UGT1A7: variants seen among roughly 807,000 people sequenced by gnomAD.
UGT1A7 encodes UDP glucuronosyltransferase family 1 member A7.
A neutral mutation model predicts 45.6 loss-of-function variants in UGT1A7; 33 were observed. The ratio of observed to expected loss-of-function variants is 0.72; its 90% CI spans 0.55 to 0.97. UGT1A7 has a LOEUF of 0.97. Among genes scored for constraint, UGT1A7 ranks in the 50% least tolerant of loss-of-function variants. UGT1A7 has a pLI of 0.00. For missense variants in UGT1A7, 684 were observed against 666.2 expected, an observed-to-expected ratio of 1.03 and a Z score of -0.29; for synonymous variants, 274 against 250.6, an observed-to-expected ratio of 1.09 and a Z score of -0.88.
chr2:233,762,086 T>A (rs1422736816), intron 1 of UGT1A7, among the ~76,000 whole-genome samples: 1 of 152,194 alleles, frequency 6.6e-6, no homozygotes, highest in African/African-American at 2.4e-5. Context: ...CCATTTCACT[T>A]AGATAGTTGT....
chr2:233,770,096 C>T (rs1250263322), intron 4 of UGT1A7: 2 of 152,608 alleles, frequency 1.3e-5, no homozygotes, highest in African/African-American at 4.8e-5. Flanking sequence ...GTATAGATAA[C>T]TACTTGTAAC....
intron 1 of UGT1A7, among the ~76,000 whole-genome samples, chr2:233,688,392 A>T (rs1319746740): frequency 1.3e-5 from 2 of 152,198 alleles, no homozygotes; most frequent in Admixed American, 6.6e-5. Flanking sequence ...ATAAACCCTG[A>T]TGTTCTAATT....
chr2:233,737,830 A>T (rs1690602817), intron 1 of UGT1A7, among the ~76,000 whole-genome samples: 1 of 152,126 alleles, frequency 6.6e-6, no homozygotes, highest in South Asian at 2.1e-4. Flanking sequence ...ACAAATTGGG[A>T]ACTGTGGCAC....
At chr2:233,753,681 A>G in intron 1 of UGT1A7, 1 of 152,226 alleles carries the variant, frequency 6.6e-6, no homozygotes, top group East Asian at 1.9e-4. Flanking sequence ...CCTCACCCAA[A>G]CAATATTACA....
chr2:233,729,264 G>T (rs921669787), intron 1 of UGT1A7: 3 of 1,614,004 alleles, frequency 1.9e-6, no homozygotes, highest in Admixed American at 1.7e-5. Flanking sequence ...GCATGCGGGA[G>T]GTCTTGCGGG....
intron 1 of UGT1A7, among the ~76,000 whole-genome samples, chr2:233,694,083 G>C (rs971459828): frequency 6.6e-6 from 1 of 152,210 alleles, no homozygotes. Flanking sequence ...CTTGGCAAGA[G>C]TAGGAGATTT....
chr2:233,715,223 G>C (rs1337084443), intron 1 of UGT1A7, among the ~76,000 whole-genome samples: 1 of 152,008 alleles, frequency 6.6e-6, no homozygotes, highest in Non-Finnish European at 1.5e-5. Flanking sequence ...TACTGAATCT[G>C]CCCAATTCTG....
chr2:233,705,730 T>G (rs898317128), intron 1 of UGT1A7, among the ~76,000 whole-genome samples: 6 of 152,220 alleles, frequency 3.9e-5, no homozygotes, highest in African/African-American at 1.4e-4. Flanking sequence ...TTTAATACCC[T>G]GAGCAGGTAG....
chr2:233,686,541 G>A (rs1014835492), intron 1 of UGT1A7, among the ~76,000 whole-genome samples: 9 of 152,058 alleles, frequency 5.9e-5, no homozygotes, highest in Admixed American at 4.6e-4. Context: ...TAACCTTTCC[G>A]TGGCTTTCTG....
chr2:233,708,590 G>A (rs7572563), intron 1 of UGT1A7: 87,007 of 151,994 alleles, frequency 0.57, 26,864 homozygotes, highest in African/African-American at 0.82. Flanking sequence ...CTTCACTACA[G>A]AAAGTAAAAA....
At chr2:233,713,722 C>A in intron 1 of UGT1A7, 1 of 1,613,948 alleles carries the variant, frequency 6.2e-7, no homozygotes, top group Non-Finnish European at 8.5e-7. Flanking sequence ...AGAGAGGTGT[C>A]AGTGGTGGAT....
chr2:233,743,044 G>A lies in UGT1A7; in HGVS notation c.856-23990G>A, dbSNP rs1369920838. On this transcript the variant is annotated intron_variant, in intron 1 of 4. Coordinates refer to ENST00000373426, the MANE Select transcript of UGT1A7 (RefSeq NM_019077.3). ...AAAGACAAACAGAGGTCCTATCCGT[G>A]TAGTCCCAACGATAAGAACAGGTGT... The A allele has an allele frequency of 1.9e-5, 6 of 317,270 alleles. 1 individual carries two copies. The highest frequency in any genetic ancestry group is 4.4e-5 in the African/African-American group (2 of 45,752). The allele number at this position is 317,270 out of a possible 1,614,324, so 19.7% of individuals were successfully genotyped here. A position where few individuals can be genotyped will look rare whatever the true frequency, so the allele number is the denominator to read the frequency against.
chr2:233,736,752 G>A (rs2078802513), intron 1 of UGT1A7, among the ~76,000 whole-genome samples: 1 of 152,176 alleles, frequency 6.6e-6, no homozygotes, highest in Non-Finnish European at 1.5e-5. Context: ...CTGTTTGTTA[G>A]TTTTCCTTCT....
chr2:233,690,405 C>T (rs1397339138), intron 1 of UGT1A7: 2 of 1,185,034 alleles, frequency 1.7e-6, no homozygotes, highest in Non-Finnish European at 1.1e-6. Flanking sequence ...CTATTCCCAA[C>T]ATGAAATTAC....
chr2:233,754,548 G>A (rs760098781), intron 1 of UGT1A7: 6 of 380,460 alleles, frequency 1.6e-5, no homozygotes, highest in African/African-American at 2.1e-5. Context: ...GGAATTACTT[G>A]GTGTCAATGG....
chr2:233,739,386 C>A (rs1247379490), intron 1 of UGT1A7, among the ~76,000 whole-genome samples: 2 of 152,188 alleles, frequency 1.3e-5, no homozygotes, highest in East Asian at 3.9e-4. Flanking sequence ...CCTGGAAGAG[C>A]CACAGACATC....
chr2:233,730,056 T>A, intron 1 of UGT1A7: 2 of 1,611,732 alleles, frequency 1.2e-6, no homozygotes, highest in Non-Finnish European at 8.5e-7. Context: ...AAAAATGTAT[T>A]TATTTAAAAT....
intron 1 of UGT1A7, among the ~76,000 whole-genome samples, chr2:233,705,281 A>G (rs2075838525): frequency 6.6e-6 from 1 of 152,236 alleles, no homozygotes; most frequent in Non-Finnish European, 1.5e-5. Flanking sequence ...TTCAACCTGA[A>G]GAACTTCCTT....
At chr2:233,760,915 GT>G in intron 1 of UGT1A7, 1 of 1,614,180 alleles carries the variant, frequency 6.2e-7, no homozygotes, top group Non-Finnish European at 8.5e-7. Context: ...CCTGCAGCGG[GT>G]GAAGAACATG....
Sources: gnomAD v4.1 joint callset for allele counts (sites outside exome capture counted in the v4.1 genomes callset) on GRCh38, gnomAD v4.1.1 for gene constraint, MANE v1.5 for transcripts, NCBI Gene and HGNC (gene_info 2026-07-23, HGNC 2026-07-21) for gene names.